The following DMD variants were observed in gnomAD, a reference collection of about 807,000 sequenced individuals.
The protein encoded by DMD is mutant dystrophin.
Under a neutral mutation model 330.1 loss-of-function variants are expected in DMD, and 63 were observed. The ratio of observed to expected loss-of-function variants is 0.19; its 90% confidence interval spans 0.16 to 0.24. The LOEUF (loss-of-function observed/expected upper bound fraction) is 0.24. DMD is among the 10% of genes least tolerant of loss of function. DMD has a pLI of 1.00. For synonymous variants in DMD, 1,223 were observed against 959.8 expected, an observed-to-expected ratio of 1.27 and a Z score of -5.07; for missense variants, 3,344 against 2,684.1, an observed-to-expected ratio of 1.25 and a Z score of -5.43.
intron 50 of DMD, among the ~76,000 whole-genome samples, chrX:31,788,924 A>AAAATATCTT (rs2091439375): frequency 9.0e-6 from 1 of 110,563 alleles, no homozygotes; most frequent in Non-Finnish European, 1.9e-5. Flanking sequence ...CATGGAAACC[A>AAAATATCTT]AAATATCTTT....
chrX:32,336,006 TTATATATAACGTGTATA>T (rs1569558544), intron 41 of DMD, among the ~76,000 whole-genome samples: 96 of 92,035 alleles, frequency 1.0e-3, no homozygotes, highest in African/African-American at 3.7e-3. Flanking sequence ...ATATATAACG[TTATATATAACGTGTATA>T]TATAACGTTA....
intron 1 of DMD, among the ~76,000 whole-genome samples, chrX:33,332,815 A>G (rs1404749039): frequency 9.0e-6 from 1 of 111,055 alleles, no homozygotes; most frequent in African/African-American, 3.3e-5. Flanking sequence ...AAAAACACAA[A>G]CTCTCACCCA....
intron 55 of DMD, among the ~76,000 whole-genome samples, chrX:31,542,649 A>T (rs183620177): frequency 2.1e-3 from 233 of 112,259 alleles, no homozygotes; most frequent in Middle Eastern, 4.6e-3. Flanking sequence ...AGTGTCAGGG[A>T]AGATGGGGCT....
intron 1 of DMD, among the ~76,000 whole-genome samples, chrX:33,221,475 A>T (rs2148874190): frequency 8.9e-6 from 1 of 111,760 alleles, no homozygotes; most frequent in South Asian, 3.7e-4. Flanking sequence ...CAAGATGAAA[A>T]GTCTCAGATC....
Position 32,672,551 on chromosome X carries a change from A to T in DMD, c.960+25319T>A, listed in dbSNP as rs150426838. 6.9e-3 allele frequency among the ~76,000 whole-genome samples: 762 copies of T among 110,863 alleles called. 7 individuals carry two copies. The highest frequency in any genetic ancestry group is 0.023 in the African/African-American group (701 of 30,600). ...ATTAATCACCTCCCCAATCCCATGC[A>T]TAAGTCCTGATTGCTTTAAATAAAT... On this transcript the variant is annotated intron_variant, in intron 9 of 78. Transcript: ENST00000357033.
chrX:31,762,862 G>A (rs1456755794), intron 51 of DMD, among the ~76,000 whole-genome samples: 2 of 111,979 alleles, frequency 1.8e-5, no homozygotes, highest in Admixed American at 9.4e-5. Flanking sequence ...TTTTTGCATC[G>A]ATGCAGTAAA....
At chrX:31,573,593 G>A (rs901344969) in intron 55 of DMD, among the ~76,000 whole-genome samples, 3 of 112,038 alleles carry the variant, frequency 2.7e-5, no homozygotes, top group Non-Finnish European at 5.6e-5. Context: ...TAAACTGAAA[G>A]ATCTACTTAG....
chrX:31,891,664 G>A (rs1165931379), intron 47 of DMD, among the ~76,000 whole-genome samples: 2 of 111,922 alleles, frequency 1.8e-5, no homozygotes, highest in East Asian at 5.7e-4. Flanking sequence ...TACGTATTAG[G>A]GCTGCTTTTG....
intron 18 of DMD, among the ~76,000 whole-genome samples, chrX:32,514,513 G>A (rs2045653345): frequency 8.9e-6 from 1 of 111,753 alleles, no homozygotes; most frequent in Non-Finnish European, 1.9e-5. Flanking sequence ...AGGCCGAGGC[G>A]GGCGGATCAC....
intron 1 of DMD, among the ~76,000 whole-genome samples, chrX:33,138,785 T>C (rs1327293805): frequency 9.0e-6 from 1 of 111,436 alleles, no homozygotes; most frequent in Non-Finnish European, 1.9e-5. Flanking sequence ...CTGGTACTTA[T>C]AACAGTTCTC....
intron 29 of DMD, among the ~76,000 whole-genome samples, chrX:32,435,559 G>A (rs2098257822): frequency 9.1e-6 from 1 of 110,073 alleles, no homozygotes; most frequent in Non-Finnish European, 1.9e-5. Context: ...AGAGGGATTT[G>A]CCAGTTATCA....
intron 41 of DMD, among the ~76,000 whole-genome samples, chrX:32,336,393 G>A (rs1425430749): frequency 9.0e-6 from 1 of 111,570 alleles, no homozygotes; most frequent in African/African-American, 3.3e-5. Context: ...CCTTCCAAGA[G>A]CATGTATATT....
At chrX:31,471,381 C>T (rs763725703) in intron 59 of DMD, among the ~76,000 whole-genome samples, 9 of 111,879 alleles carry the variant, frequency 8.0e-5, no homozygotes, top group Non-Finnish European at 1.3e-4. Context: ...CAGTCCCTCA[C>T]GGCTTCTGTT....
intron 70 of DMD, chrX:31,178,445 T>C: frequency 4.3e-6 from 4 of 939,098 alleles, no homozygotes; most frequent in Non-Finnish European, 5.3e-6. Context: ...TTTTTTTTTT[T>C]TTCCCCCTGT....
At chrX:32,010,687 A>C (rs1476275059) in intron 44 of DMD, among the ~76,000 whole-genome samples, 1 of 111,872 alleles carries the variant, frequency 8.9e-6, no homozygotes, top group African/African-American at 3.3e-5. Context: ...TATCCTTGAA[A>C]GCAGTCTCTG....
intron 43 of DMD, among the ~76,000 whole-genome samples, chrX:32,259,249 G>A: frequency 9.1e-6 from 1 of 110,096 alleles, no homozygotes; most frequent in South Asian, 3.8e-4. Flanking sequence ...ACTCAAATCT[G>A]TCTAGCCATA....
At chrX:31,419,012 T>C (rs1462281695) in intron 60 of DMD, among the ~76,000 whole-genome samples, 1 of 110,034 alleles carries the variant, frequency 9.1e-6, no homozygotes, top group Admixed American at 9.7e-5. Context: ...TGGCATGATC[T>C]CAGCTCACGG....
chrX:33,214,109 T>C (rs1273174611), upstream of DMD, among the ~76,000 whole-genome samples: 3 of 109,542 alleles, frequency 2.7e-5, no homozygotes, highest in African/African-American at 1.0e-4. Context: ...ATCAATAGCT[T>C]ATTTCCTTTT....
intron 44 of DMD, among the ~76,000 whole-genome samples, chrX:32,079,449 G>T (rs1232618808): frequency 1.8e-5 from 2 of 110,402 alleles, no homozygotes; most frequent in African/African-American, 3.3e-5. Flanking sequence ...ACAAAAATCA[G>T]CTGGGCCTGG....
Sources: gnomAD v4.1 joint callset for allele counts (sites outside exome capture counted in the v4.1 genomes callset) on GRCh38, gnomAD v4.1.1 for gene constraint, MANE v1.5 for transcripts, NCBI Gene and HGNC (gene_info 2026-07-23, HGNC 2026-07-21) for gene names.